Variants in MUC7 observed in about 807,000 individuals in gnomAD.
The protein encoded by MUC7 is mucin-7.
A neutral mutation model predicts 2.5 loss-of-function variants in MUC7; 2 were observed. The ratio of observed to expected loss-of-function variants is 0.81; its 90% CI spans 0.33 to 2.55. The LOEUF is 2.55. Ranked by LOEUF, MUC7 falls within the 30% of genes most tolerant of loss-of-function variation. MUC7 has a pLI of 0.11. For synonymous variants in MUC7, 133 were observed against 173.4 expected (o/e 0.77, Z 1.83); for missense variants, 408 against 455.6 (o/e 0.90, Z 0.95).
intron 1 of MUC7, among the ~76,000 whole-genome samples, chr4:70,447,056 G>T (rs1297124385): frequency 2.2e-5 from 3 of 139,214 alleles, no homozygotes; most frequent in African/African-American, 7.7e-5. Context: ...TATTATGGAA[G>T]GAATTGGGTG....
At chr4:70,473,963 A>G (rs1156492557) in intron 1 of MUC7, 44 bp from the exon 2 acceptor site, 2 of 1,398,756 alleles carry the variant, frequency 1.4e-6, no homozygotes, top group African/African-American at 1.4e-5. Flanking sequence ...TTCCTCTCCC[A>G]TAATATCATA....
chr4:70,468,016 C>T (rs1577911371), upstream of MUC7, among the ~76,000 whole-genome samples: 1 of 152,152 alleles, frequency 6.6e-6, no homozygotes, highest in Non-Finnish European at 1.5e-5. Flanking sequence ...CAATAAAATA[C>T]TGGCAAACTG....
intron 1 of MUC7, among the ~76,000 whole-genome samples, chr4:70,437,604 C>G (rs775302597): frequency 3.0e-4 from 46 of 152,160 alleles, no homozygotes; most frequent in Non-Finnish European, 6.0e-4. Flanking sequence ...CAGGAGTGTA[C>G]TGTTCCTCCA....
intron 1 of MUC7, among the ~76,000 whole-genome samples, chr4:70,452,643 G>A (rs1442923693): frequency 6.6e-6 from 1 of 151,982 alleles, no homozygotes; most frequent in Non-Finnish European, 1.5e-5. Context: ...GGTACTTCCT[G>A]TGTCTTAAAA....
chr4:70,452,656 T>C (rs1417508402), intron 1 of MUC7, among the ~76,000 whole-genome samples: 1 of 152,188 alleles, frequency 6.6e-6, no homozygotes, highest in Non-Finnish European at 1.5e-5. Flanking sequence ...TCTTAAAAAG[T>C]TGTTGTAGTT....
chr4:70,479,090 G>A (rs1278737470), intron 2 of MUC7, among the ~76,000 whole-genome samples: 1 of 152,228 alleles, frequency 6.6e-6, no homozygotes, highest in African/African-American at 2.4e-5. Context: ...CAACAGACCA[G>A]CAGTGGAGGT....
At chr4:70,446,633 T>A (rs1734147099) in intron 1 of MUC7, among the ~76,000 whole-genome samples, 1 of 152,200 alleles carries the variant, frequency 6.6e-6, no homozygotes, top group Non-Finnish European at 1.5e-5. Flanking sequence ...TATTTCCAAA[T>A]AAGGCCACAT....
At chr4:70,444,058 C>G (rs1734067548) in intron 1 of MUC7, among the ~76,000 whole-genome samples, 1 of 152,188 alleles carries the variant, frequency 6.6e-6, no homozygotes, top group African/African-American at 2.4e-5. Flanking sequence ...CCTTAAACCA[C>G]TGCTACAAGA....
At chr4:70,447,888 C>T (rs574024507) in intron 1 of MUC7, among the ~76,000 whole-genome samples, 6 of 152,106 alleles carry the variant, frequency 3.9e-5, no homozygotes, top group Non-Finnish European at 8.8e-5. Flanking sequence ...CTTATTCATT[C>T]TTTCCATTTG....
chr4:70,470,788 T>G (rs1329695229), upstream of MUC7, among the ~76,000 whole-genome samples: 2 of 152,170 alleles, frequency 1.3e-5, no homozygotes, highest in African/African-American at 4.8e-5. Context: ...TGAAAAGAAA[T>G]TAATATTATA....
chr4:70,448,514 G>A (rs1734197706), intron 1 of MUC7, among the ~76,000 whole-genome samples: 1 of 152,132 alleles, frequency 6.6e-6, no homozygotes, highest in African/African-American at 2.4e-5. Context: ...GCATTTCTCT[G>A]AAGATCAGTG....
At chr4:70,467,724 C>A (rs918730846), upstream of MUC7, among the ~76,000 whole-genome samples, 4 of 152,038 alleles carry the variant, frequency 2.6e-5, no homozygotes, top group Admixed American at 6.6e-5. Context: ...AAATTGAATC[C>A]CTGAATAGAC....
intron 1 of MUC7, among the ~76,000 whole-genome samples, chr4:70,444,464 C>G (rs923984602): frequency 6.6e-6 from 1 of 152,168 alleles, no homozygotes; most frequent in Non-Finnish European, 1.5e-5. Context: ...AACACCTTCC[C>G]CTACTACCCA....
intron 1 of MUC7, among the ~76,000 whole-genome samples, chr4:70,461,029 T>C (rs1428681273): frequency 6.6e-6 from 1 of 152,196 alleles, no homozygotes; most frequent in Non-Finnish European, 1.5e-5. Context: ...AGTGAGGATG[T>C]GGACCACTGA....
upstream of MUC7, among the ~76,000 whole-genome samples, chr4:70,470,091 G>A (rs550695624): frequency 6.6e-6 from 1 of 152,182 alleles, no homozygotes; most frequent in Non-Finnish European, 1.5e-5. Flanking sequence ...AAAAGGATGA[G>A]TTCATGTCCT....
intron 1 of MUC7, among the ~76,000 whole-genome samples, chr4:70,432,733 T>G (rs963226648): frequency 6.6e-6 from 1 of 152,230 alleles, no homozygotes; most frequent in Non-Finnish European, 1.5e-5. Flanking sequence ...GCTCTTTAGT[T>G]TAATTAGATC....
intron 1 of MUC7, among the ~76,000 whole-genome samples, chr4:70,448,305 C>G (rs1279733319): frequency 2.0e-5 from 3 of 152,140 alleles, no homozygotes; most frequent in African/African-American, 7.2e-5. Context: ...ATACACCTAG[C>G]AGTGGAATTG....
intron 1 of MUC7, among the ~76,000 whole-genome samples, chr4:70,433,404 G>A (rs978571617): frequency 2.0e-5 from 3 of 152,048 alleles, no homozygotes; most frequent in Admixed American, 2.0e-4. Context: ...CTTTTATTTT[G>A]TTGAGCAGTG....
At chr4:70,447,134 T>C (rs1277265983) in intron 1 of MUC7, among the ~76,000 whole-genome samples, 1 of 152,150 alleles carries the variant, frequency 6.6e-6, no homozygotes, top group Non-Finnish European at 1.5e-5. Context: ...TTTGAGAGGA[T>C]GTACAGAAAG....
Sources: gnomAD v4.1 joint callset for allele counts (sites outside exome capture counted in the v4.1 genomes callset) on GRCh38, gnomAD v4.1.1 for gene constraint, MANE v1.5 for transcripts, NCBI Gene and HGNC (gene_info 2026-07-23, HGNC 2026-07-21) for gene names.